AQR: variants seen among roughly 807,000 people sequenced by gnomAD.
AQR encodes aquarius intron-binding spliceosomal factor, also known as RNA helicase aquarius.
AQR carries 61 observed loss-of-function variants against 180.5 expected under a neutral mutation model. That is an observed-to-expected ratio of 0.34 (90% confidence interval 0.28 to 0.42). The LOEUF is 0.42. Among genes scored for constraint, AQR ranks in the 10% least tolerant of loss-of-function variants. The probability of loss-of-function intolerance (pLI) is 1.00; values close to 1 mark genes in which losing one functional copy is unlikely to be tolerated. For missense variants in AQR, 1,281 were observed against 1,798.3 expected (o/e 0.71, Z 5.20); for synonymous variants, 551 against 588.8 (o/e 0.94, Z 0.93).
rs200100859 is a variant in AQR, at chr15:34,893,771, A to C, written c.2463T>G (p.Val821=). 6.1e-5 allele frequency: 99 copies of C among 1,614,004 alleles called. No individual in the cohort carries two copies. The Admixed American group carries it at 1.1e-3, about 19-fold the overall frequency. ...TTTTGCCTGTACCAGGTGGGCCCAC[A>C]ACCTAAAAAGAAGATGAACACATAG... ...RAGMQPGLTM[V]VGPPGTGKTD... Residue 821 remains valine, a splice_region_variant and synonymous_variant, in exon 23 of 35, where the codon GTT becomes GTG. Transcript: ENST00000156471.
intron 4 of AQR, among the ~76,000 whole-genome samples, chr15:34,948,751 T>C (rs929714839): frequency 1.3e-5 from 2 of 149,446 alleles, no homozygotes; most frequent in African/African-American, 5.0e-5. Context: ...GAGCTGAGAT[T>C]GCGCCACTAC....
chr15:34,921,971 C>T (rs1360266296), intron 13 of AQR, among the ~76,000 whole-genome samples: 2 of 152,076 alleles, frequency 1.3e-5, no homozygotes, highest in Admixed American at 6.5e-5. Context: ...CCACCACACT[C>T]GGCTAAATTT....
rs1892806675 is a variant in AQR, at chr15:34,870,846, C to T, written c.3674G>A (p.Ser1225Asn). 6.2e-7 allele frequency: 1 copy of T among 1,613,202 alleles called. No homozygotes were observed. The highest frequency in any genetic ancestry group is 8.5e-7 in the Non-Finnish European group (1 of 1,179,612). Residue 1225 changes from serine to asparagine, a missense_variant, in exon 31 of 35, where the codon AGT (serine) becomes AAT (asparagine). Transcript: ENST00000156471. ...CLLGYPADKISILTTYNGQKH... is the reference protein window; with the variant it reads ...CLLGYPADKINILTTYNGQKH... ...TTGGCCATTATATGTTGTTAGAATACTGATTTTGTCAGCAGGGTAACCAAG... is the reference window on the plus strand; with the variant it reads ...TTGGCCATTATATGTTGTTAGAATATTGATTTTGTCAGCAGGGTAACCAAG...
intron 1 of AQR, 27 bp downstream of exon 1, chr15:34,969,510 TCA>T: frequency 6.2e-7 from 1 of 1,612,168 alleles, no homozygotes; most frequent in East Asian, 2.2e-5. Context: ...CCATACCCAC[TCA>T]CACACACCAG....
At chr15:34,899,086 C>T (rs533939651) in intron 20 of AQR, among the ~76,000 whole-genome samples, 3 of 151,774 alleles carry the variant, frequency 2.0e-5, no homozygotes, top group East Asian at 2.0e-4. Flanking sequence ...AGGAGACTGA[C>T]GTGAACCCGG....
chr15:34,888,551 G>A (rs1374073046), intron 24 of AQR, among the ~76,000 whole-genome samples: 2 of 151,770 alleles, frequency 1.3e-5, no homozygotes, highest in East Asian at 3.9e-4. Context: ...AAAAAAATCA[G>A]CCAGGCTTGG....
intron 12 of AQR, among the ~76,000 whole-genome samples, chr15:34,928,627 T>C (rs916712698): frequency 6.6e-6 from 1 of 152,230 alleles, no homozygotes; most frequent in Non-Finnish European, 1.5e-5. Context: ...TTTAATACTA[T>C]AAATAGTGCT....
At chr15:34,872,475 T>C (rs1310030803) in intron 30 of AQR, among the ~76,000 whole-genome samples, 1 of 152,126 alleles carries the variant, frequency 6.6e-6, no homozygotes, top group Non-Finnish European at 1.5e-5. Flanking sequence ...CAATCAATAC[T>C]ACAGTATGAC....
chr15:34,895,009 T>C (rs1893210800), intron 22 of AQR, among the ~76,000 whole-genome samples: 1 of 149,614 alleles, frequency 6.7e-6, no homozygotes, highest in South Asian at 2.1e-4. Flanking sequence ...CTACTAAAAA[T>C]ACAAAAATAT....
Position 34,948,366 on chromosome 15 carries a change from A to T in AQR, c.228T>A (p.Tyr76Ter). 1 of 1,612,796 alleles carries T rather than the reference A, an allele frequency of 6.2e-7. No individual in the cohort carries two copies. Among genetic ancestry groups the T allele is most frequent in the Non-Finnish European group, 8.5e-7 (1 of 1,179,900 alleles). The change falls in exon 5 of 35, where the codon TAT (tyrosine) becomes TAA (stop). Residue 76 changes from tyrosine (Y) to a stop codon, truncating the protein, a stop_gained. Transcript: ENST00000156471. LOFTEE classifies it high-confidence loss of function. Reference sequence around the variant, plus strand: ...CCTCAGGAGAATAATTCATCCAGAGATAATTTTCAAGATACTGGCTGTAAA... The same window carrying T: ...CCTCAGGAGAATAATTCATCCAGAGTTAATTTTCAAGATACTGGCTGTAAA... Reference protein sequence around the residue: ...LLEFSQYLENYLWMNYSPEVS... With the variant: ...LLEFSQYLEN
chr15:34,965,895 C>T (rs1316906001), intron 1 of AQR, among the ~76,000 whole-genome samples: 1 of 152,144 alleles, frequency 6.6e-6, no homozygotes, highest in Non-Finnish European at 1.5e-5. Flanking sequence ...AATGTATATC[C>T]TATCTCTGAT....
At chr15:34,888,879 AT>A (rs1038156817) in intron 24 of AQR, among the ~76,000 whole-genome samples, 1 of 152,138 alleles carries the variant, frequency 6.6e-6, no homozygotes, top group Admixed American at 6.5e-5. Context: ...AATAGTCATA[AT>A]TTTTCTTTTT....
rs7182706 is a variant in AQR, at chr15:34,963,813, A to G, written c.132+421T>C. On this transcript the variant is annotated intron_variant, in intron 2 of 34. Transcript: ENST00000156471. ...CGAGTAGCTGGGACTACAGGCGCCC[A>G]CCACCATGCCCGGCTAATTTTTTGT... Among the ~76,000 whole-genome samples the G allele has an allele frequency of 4.1e-4, 61 of 149,436 alleles. 3 individuals are homozygous for G. The highest frequency in any genetic ancestry group is 1.5e-3 in the African/African-American group (59 of 39,078).
intron 30 of AQR, 39 bp from the exon 31 acceptor site, chr15:34,870,961 T>A (rs748380916): frequency 6.3e-7 from 1 of 1,577,538 alleles, no homozygotes; most frequent in Non-Finnish European, 8.6e-7. Flanking sequence ...ATTCATTTGC[T>A]TTTGTTTCAA....
chr15:34,893,620 CACACACA>C, intron 23 of AQR, 36 bp downstream of exon 23: 1 of 1,420,274 alleles, frequency 7.0e-7, no homozygotes, highest in Non-Finnish European at 9.6e-7. Context: ...CACACACACA[CACACACA>C]CACACACACA....
At chr15:34,859,385 A>G (rs1330858080) in intron 34 of AQR, among the ~76,000 whole-genome samples, 2 of 152,194 alleles carry the variant, frequency 1.3e-5, no homozygotes, top group African/African-American at 2.4e-5. Flanking sequence ...AATTTTAAAA[A>G]GACGTACCAT....
At chr15:34,898,955 C>T (rs1198007558) in intron 20 of AQR, among the ~76,000 whole-genome samples, 1 of 150,974 alleles carries the variant, frequency 6.6e-6, no homozygotes, top group African/African-American at 2.4e-5. Context: ...ATCACGAGGT[C>T]AGCAGATCGA....
intron 4 of AQR, among the ~76,000 whole-genome samples, chr15:34,950,031 C>T (rs1383476456): frequency 1.3e-5 from 2 of 149,472 alleles, no homozygotes; most frequent in African/African-American, 2.5e-5. Flanking sequence ...CTAGCCTCCA[C>T]ATACCTTATT....
intron 13 of AQR, among the ~76,000 whole-genome samples, chr15:34,924,727 G>A (rs929183626): frequency 3.3e-5 from 5 of 151,800 alleles, no homozygotes; most frequent in African/African-American, 9.7e-5. Flanking sequence ...TACCACACCC[G>A]GCCTCAATTG....
Sources: gnomAD v4.1 joint callset for allele counts (sites outside exome capture counted in the v4.1 genomes callset) on GRCh38, gnomAD v4.1.1 for gene constraint, MANE v1.5 for transcripts, NCBI Gene and HGNC (gene_info 2026-07-23, HGNC 2026-07-21) for gene names.